The following ANO3 variants were observed in gnomAD, a reference collection of about 807,000 sequenced individuals.
ANO3 encodes anoctamin 3, also known as anoctamin-3.
In ANO3, 99 loss-of-function variants were observed where a neutral mutation model predicts 144.8. The ratio of observed to expected loss-of-function variants is 0.68; its 90% CI spans 0.58 to 0.81. The LOEUF (loss-of-function observed/expected upper bound fraction) is 0.81, where lower values mean the gene tolerates loss of function less well. Ranked by LOEUF, ANO3 falls within the 30% of genes least tolerant of loss-of-function variation. ANO3 has a pLI of 0.00. For missense variants in ANO3, 905 were observed against 1,202.2 expected (o/e 0.75, Z 3.66); for synonymous variants, 414 against 392.6 (o/e 1.05, Z -0.64).
chr11:26,207,730 G>GTTCATAAAGTGTAGAATTCA (rs1554922676), intron 1 of ANO3, among the ~76,000 whole-genome samples: 1 of 151,706 alleles, frequency 6.6e-6, no homozygotes, highest in Admixed American at 6.6e-5. Context: ...CTAGATTACA[G>GTTCATAAAGTGTAGAATTCA]TAAAACTGAC....
intron 1 of ANO3, among the ~76,000 whole-genome samples, chr11:26,347,611 CT>C (rs145117726): frequency 0.026 from 3,977 of 152,280 alleles, 163 homozygotes; most frequent in African/African-American, 0.09. Context: ...AACATCACTT[CT>C]TTCCTTTACA....
chr11:26,315,093 T>C (rs966720784), intron 1 of ANO3, among the ~76,000 whole-genome samples: 1 of 135,842 alleles, frequency 7.4e-6, no homozygotes, highest in African/African-American at 2.5e-5. Context: ...CTATATTATG[T>C]ATATTCTCAG....
chr11:26,535,601 C>G (rs2703419), intron 9 of ANO3, among the ~76,000 whole-genome samples: 59,492 of 80,414 alleles, frequency 0.74, 19,524 homozygotes, highest in East Asian at 0.83. Context: ...TTTTTTTTTT[C>G]AGATGGAGTC....
intron 1 of ANO3, among the ~76,000 whole-genome samples, chr11:26,259,762 A>T (rs1383329539): frequency 6.6e-6 from 1 of 152,074 alleles, no homozygotes; most frequent in African/African-American, 2.4e-5. Flanking sequence ...CCAGATGAAG[A>T]CTCCAAGCAC....
chr11:26,302,036 G>A (rs1232228410), intron 1 of ANO3, among the ~76,000 whole-genome samples: 5 of 152,210 alleles, frequency 3.3e-5, no homozygotes, highest in African/African-American at 1.2e-4. Flanking sequence ...CAAGGTACTA[G>A]GCAGAGACTG....
At chr11:26,544,273 T>TATATATATATATATATATATATACACAC in intron 11 of ANO3, among the ~76,000 whole-genome samples, 3 of 58,564 alleles carry the variant, frequency 5.1e-5, no homozygotes, top group Non-Finnish European at 7.1e-5. Flanking sequence ...TATATATATA[T>TATATATATATATATATATATATACACAC]ACACACATAC....
At chr11:26,622,384 G>A (rs148282345) in intron 17 of ANO3, among the ~76,000 whole-genome samples, 75 of 150,740 alleles carry the variant, frequency 5.0e-4, no homozygotes, top group African/African-American at 1.6e-3. Flanking sequence ...TGGGGCGGAT[G>A]AGGAATTGGA....
chr11:26,369,756 CA>C (rs1391227974), intron 1 of ANO3, among the ~76,000 whole-genome samples: 1 of 151,862 alleles, frequency 6.6e-6, no homozygotes, highest in African/African-American at 2.4e-5. Context: ...TTTTTTTCTT[CA>C]AACACTATTG....
At chr11:26,236,730 A>G (rs1852535584) in intron 1 of ANO3, among the ~76,000 whole-genome samples, 1 of 148,920 alleles carries the variant, frequency 6.7e-6, no homozygotes, top group African/African-American at 2.5e-5. Flanking sequence ...AGGCAGGAGA[A>G]TGGCGTGAAC....
At chr11:26,625,807 A>T (rs1409300542) in intron 18 of ANO3, among the ~76,000 whole-genome samples, 1 of 151,798 alleles carries the variant, frequency 6.6e-6, no homozygotes, top group Non-Finnish European at 1.5e-5. Context: ...TTTCATAAAC[A>T]CTCTGGGAAT....
Position 26,463,888 on chromosome 11 carries a change from G to A in ANO3, c.432+740G>A, listed in dbSNP as rs560528839. Among the ~76,000 whole-genome samples the A allele has an allele frequency of 7.2e-4, 109 of 151,400 alleles. 1 individual carries two copies. The highest frequency in any genetic ancestry group is 2.5e-3 in the African/African-American group (103 of 41,374). On this transcript the variant is annotated intron_variant, in intron 4 of 26. Coordinates refer to ENST00000256737, the MANE Select transcript of ANO3 (RefSeq NM_031418.4). ...ATTTTCACGACAAATCCTAGCTCAG[G>A]ATAAGCTCACTTTTTTTTTTTCATT...
intron 1 of ANO3, among the ~76,000 whole-genome samples, chr11:26,439,657 C>T (rs987354279): frequency 1.3e-5 from 2 of 152,084 alleles, no homozygotes; most frequent in Non-Finnish European, 2.9e-5. Context: ...ACTTTTAACT[C>T]CGAAAAGTCT....
chr11:26,574,809 G>A (rs1850945290), intron 14 of ANO3, among the ~76,000 whole-genome samples: 1 of 152,042 alleles, frequency 6.6e-6, no homozygotes, highest in African/African-American at 2.4e-5. Context: ...TTTTGGAAAG[G>A]TCAAATATTC....
At chr11:26,367,934 G>T (rs2133934314) in intron 1 of ANO3, among the ~76,000 whole-genome samples, 1 of 152,258 alleles carries the variant, frequency 6.6e-6, no homozygotes, top group East Asian at 1.9e-4. Flanking sequence ...ACAGCACCAA[G>T]GGGATAGTGC....
chr11:26,649,290 A>C (rs1853448083), intron 24 of ANO3, among the ~76,000 whole-genome samples: 1 of 152,172 alleles, frequency 6.6e-6, no homozygotes, highest in Non-Finnish European at 1.5e-5. Flanking sequence ...GTAGAATCTG[A>C]CTTTTTTGAT....
intron 19 of ANO3, among the ~76,000 whole-genome samples, chr11:26,634,770 A>G (rs1038319476): frequency 1.3e-5 from 2 of 152,190 alleles, no homozygotes; most frequent in African/African-American, 4.8e-5. Flanking sequence ...AAGACTCTCT[A>G]TGTGAGGGTC....
intron 1 of ANO3, among the ~76,000 whole-genome samples, chr11:26,335,719 T>C (rs1234422434): frequency 6.6e-6 from 1 of 152,214 alleles, no homozygotes; most frequent in Non-Finnish European, 1.5e-5. Context: ...TCCTCTTTTG[T>C]TGCTGAATCT....
At chr11:26,291,718 A>T (rs577603359) in intron 1 of ANO3, among the ~76,000 whole-genome samples, 2 of 152,270 alleles carry the variant, frequency 1.3e-5, no homozygotes, top group East Asian at 3.9e-4. Context: ...CTTTTCTTTA[A>T]GAATGTTGAA....
rs555869636 is a variant in ANO3, at chr11:26,548,167, T to G, written c.1289+617T>G. On this transcript the variant is annotated intron_variant, in intron 12 of 26. Coordinates refer to ENST00000256737, the MANE Select transcript of ANO3 (RefSeq NM_031418.4). ...AGGAACAAATATTTATAAATTTTACTTAGCATCCACTTAAGATATGGAATG... is the reference window on the plus strand; with the variant it reads ...AGGAACAAATATTTATAAATTTTACGTAGCATCCACTTAAGATATGGAATG... Among the ~76,000 whole-genome samples the G allele has an allele frequency of 2.3e-5, 3 of 132,340 alleles. No homozygotes were observed. In the Admixed American group the frequency reaches 2.5e-4, roughly 11 times the overall value. 86.8% of individuals were successfully genotyped at this position (132,340 alleles called of 152,430 possible).
Sources: allele counts gnomAD v4.1 joint callset (sites outside exome capture counted in the v4.1 genomes callset), GRCh38; gene constraint gnomAD v4.1.1; transcripts MANE v1.5; gene names NCBI Gene and HGNC (gene_info 2026-07-23, HGNC 2026-07-21).